GPC5: variants seen among roughly 807,000 people sequenced by gnomAD.
GPC5 encodes the protein glypican 5.
A neutral mutation model predicts 53.9 loss-of-function variants in GPC5; 47 were observed. That is an observed-to-expected ratio of 0.87 (90% confidence interval 0.69 to 1.11). GPC5 has a LOEUF of 1.11. Among genes scored for constraint, GPC5 ranks in the 50% most tolerant of loss-of-function variants. The probability of loss-of-function intolerance (pLI) is 0.00; values close to 1 mark genes in which losing one functional copy is unlikely to be tolerated. For synonymous variants in GPC5, 286 were observed against 263.3 expected (o/e 1.09, Z -0.84); for missense variants, 748 against 713.1 (o/e 1.05, Z -0.56).
chr13:91,741,150 T>A (rs2036925131), intron 4 of GPC5, among the ~76,000 whole-genome samples: 1 of 151,798 alleles, frequency 6.6e-6, no homozygotes, highest in Admixed American at 6.6e-5. Flanking sequence ...GATTTTGATG[T>A]CAAGGTGGGG....
At chr13:92,822,343 T>C (rs1024620648) in intron 7 of GPC5, among the ~76,000 whole-genome samples, 14 of 152,126 alleles carry the variant, frequency 9.2e-5, no homozygotes, top group Non-Finnish European at 2.9e-5. Flanking sequence ...CTAAACATTC[T>C]CTCATTTACT....
chr13:91,594,242 G>T (rs192633996), intron 2 of GPC5, among the ~76,000 whole-genome samples: 117 of 152,314 alleles, frequency 7.7e-4, no homozygotes, highest in South Asian at 1.9e-3. Flanking sequence ...TGACCTCAAT[G>T]TCTGGACATG....
intron 7 of GPC5, among the ~76,000 whole-genome samples, chr13:92,613,342 TTATA>T (rs1363349288): frequency 2.0e-5 from 2 of 101,748 alleles, no homozygotes; most frequent in Non-Finnish European, 3.6e-5. Context: ...TATAATATAT[TTATA>T]TATAAATATA....
At chr13:91,773,029 G>A (rs984758638) in intron 5 of GPC5, among the ~76,000 whole-genome samples, 3 of 152,198 alleles carry the variant, frequency 2.0e-5, no homozygotes, top group African/African-American at 7.2e-5. Flanking sequence ...TAGAAATGAT[G>A]TGAGATTCTT....
intron 7 of GPC5, among the ~76,000 whole-genome samples, chr13:92,846,876 A>G (rs944910704): frequency 5.9e-5 from 9 of 152,236 alleles, no homozygotes; most frequent in Non-Finnish European, 1.2e-4. Flanking sequence ...AGAAATAAAA[A>G]GTATGCCCAT....
chr13:91,583,493 G>A (rs1435381445), intron 2 of GPC5, among the ~76,000 whole-genome samples: 1 of 152,098 alleles, frequency 6.6e-6, no homozygotes, highest in East Asian at 1.9e-4. Context: ...TGGCACAAAA[G>A]TATCAAATGT....
intron 7 of GPC5, among the ~76,000 whole-genome samples, chr13:92,342,206 C>T (rs775880243): frequency 2.0e-5 from 3 of 152,106 alleles, no homozygotes; most frequent in Non-Finnish European, 2.9e-5. Context: ...TGCCTGCTTT[C>T]GGTCATGGTG....
intron 7 of GPC5, among the ~76,000 whole-genome samples, chr13:92,698,875 G>A (rs1006005567): frequency 2.0e-5 from 3 of 152,288 alleles, no homozygotes; most frequent in South Asian, 4.1e-4. Context: ...GTGTGAGATA[G>A]TATCTCATTG....
chr13:91,704,792 C>G (rs182068093), intron 3 of GPC5, among the ~76,000 whole-genome samples: 1 of 152,160 alleles, frequency 6.6e-6, no homozygotes, highest in Non-Finnish European at 1.5e-5. Context: ...CTCTGGCTAC[C>G]CTAACCCCTT....
intron 7 of GPC5, among the ~76,000 whole-genome samples, chr13:92,667,107 GT>G (rs1438697217): frequency 6.6e-6 from 1 of 152,128 alleles, no homozygotes; most frequent in African/African-American, 2.4e-5. Context: ...GTTGAGATTT[GT>G]TGAAAGGAAG....
chr13:91,787,257 T>C (rs400118), intron 5 of GPC5, among the ~76,000 whole-genome samples: 55,043 of 151,986 alleles, frequency 0.36, 11,659 homozygotes, highest in African/African-American at 0.59. Flanking sequence ...TTAGAGTTGA[T>C]ATTTTTGTCT....
At chr13:91,713,329 C>A (rs1186921728) in intron 3 of GPC5, among the ~76,000 whole-genome samples, 2 of 151,384 alleles carry the variant, frequency 1.3e-5, no homozygotes, top group African/African-American at 2.4e-5. Context: ...CCCCCACCCC[C>A]CTTTAAAATA....
At chr13:92,407,172 A>G (rs1056410893) in intron 7 of GPC5, among the ~76,000 whole-genome samples, 3 of 152,206 alleles carry the variant, frequency 2.0e-5, no homozygotes, top group Admixed American at 2.0e-4. Context: ...GAATTCATCA[A>G]CATTTCTTTC....
At chr13:91,626,228 T>C (rs1465710610) in intron 2 of GPC5, among the ~76,000 whole-genome samples, 1 of 152,178 alleles carries the variant, frequency 6.6e-6, no homozygotes, top group African/African-American at 2.4e-5. Flanking sequence ...AGACATTTGT[T>C]ACACTGAACA....
At chr13:91,490,848 A>G (rs963741585) in intron 2 of GPC5, among the ~76,000 whole-genome samples, 4 of 152,130 alleles carry the variant, frequency 2.6e-5, no homozygotes, top group Non-Finnish European at 4.4e-5. Flanking sequence ...TTTGCAGTTT[A>G]TAGTCACCAT....
At chr13:92,450,321 A>G (rs1878008697) in intron 7 of GPC5, among the ~76,000 whole-genome samples, 1 of 152,230 alleles carries the variant, frequency 6.6e-6, no homozygotes, top group African/African-American at 2.4e-5. Flanking sequence ...TTGCATATAC[A>G]TAATGAGATA....
chr13:92,034,473 G>A (rs1214796767), intron 6 of GPC5, among the ~76,000 whole-genome samples: 4 of 151,964 alleles, frequency 2.6e-5, no homozygotes, highest in Non-Finnish European at 5.9e-5. Context: ...ACTCCAGCCT[G>A]GGCAACAAGA....
intron 2 of GPC5, among the ~76,000 whole-genome samples, chr13:91,572,270 T>C (rs1331403013): frequency 2.0e-5 from 3 of 150,736 alleles, no homozygotes; most frequent in Admixed American, 6.6e-5. Context: ...TGTATATACA[T>C]GTGTATATAT....
In GPC5 at chr13:92,824,345, TA is replaced by T. The variant is rs200813524; in HGVS notation, c.1562-41934del. ...ACCCCTTACCCCAGGGCCACCTTTCTAAACTCAGTCCTGATGATTTCTGCTT... is the reference window on the plus strand; with the variant it reads ...ACCCCTTACCCCAGGGCCACCTTTCTAACTCAGTCCTGATGATTTCTGCTT... On this transcript the variant is annotated intron_variant, in intron 7 of 7. Transcript: ENST00000377067. 1.2e-3 allele frequency among the ~76,000 whole-genome samples: 186 copies of T among 152,208 alleles called. 6 individuals are homozygous for T. The East Asian group carries it at 0.033, about 27-fold the overall frequency.
Sources: allele counts gnomAD v4.1 joint callset (sites outside exome capture counted in the v4.1 genomes callset), GRCh38; gene constraint gnomAD v4.1.1; transcripts MANE v1.5; gene names NCBI Gene and HGNC (gene_info 2026-07-23, HGNC 2026-07-21).